The following SLC4A10 variants were observed in gnomAD, a reference collection of about 807,000 sequenced individuals.
SLC4A10 encodes sodium-driven chloride bicarbonate exchanger.
In SLC4A10, 42 loss-of-function variants were observed where a neutral mutation model predicts 137.7. The ratio of observed to expected loss-of-function variants is 0.30; its 90% CI spans 0.24 to 0.39. The LOEUF (loss-of-function observed/expected upper bound fraction) is 0.39. Ranked by LOEUF, SLC4A10 falls within the 10% of genes least tolerant of loss-of-function variation. SLC4A10 has a pLI of 1.00. For synonymous variants in SLC4A10, 474 were observed against 464.1 expected, an observed-to-expected ratio of 1.02 and a Z score of -0.27; for missense variants, 925 against 1,355.0, an observed-to-expected ratio of 0.68 and a Z score of 4.98.
chr2:161,772,142 G>C (rs965032096), intron 2 of SLC4A10, among the ~76,000 whole-genome samples: 1 of 151,742 alleles, frequency 6.6e-6, no homozygotes, highest in Non-Finnish European at 1.5e-5. Flanking sequence ...ATGCTTACTG[G>C]GGGGGCCTAT....
At chr2:161,975,623 A>C (rs993254481) in intron 24 of SLC4A10, among the ~76,000 whole-genome samples, 7 of 152,192 alleles carry the variant, frequency 4.6e-5, no homozygotes, top group Admixed American at 2.6e-4. Context: ...GGAACTGAAG[A>C]ACACATTTCC....
At chr2:161,976,076 T>C (rs143468835) in intron 24 of SLC4A10, among the ~76,000 whole-genome samples, 9 of 152,354 alleles carry the variant, frequency 5.9e-5, no homozygotes, top group Non-Finnish European at 8.8e-5. Context: ...CCATTCTCTG[T>C]AATTTGAAAT....
chr2:161,805,274 C>T (rs865801215), intron 3 of SLC4A10, among the ~76,000 whole-genome samples: 1 of 152,248 alleles, frequency 6.6e-6, no homozygotes, highest in South Asian at 2.1e-4. Context: ...CCTCCCACAA[C>T]ACATGGAAAA....
At position 161,879,225 on chromosome 2, in the gene SLC4A10, C is replaced by A. The variant is rs201945239; in HGVS notation, c.1043C>A (p.Ala348Glu). 1.2e-6 allele frequency: 2 copies of A among 1,613,222 alleles called. No homozygotes were observed. The highest frequency in any genetic ancestry group is 1.3e-5 in the African/African-American group (1 of 74,990). Residue 348 changes from alanine to glutamate, a missense_variant, in exon 9 of 27, where the codon GCG becomes GAG. By Grantham distance (107) the Ala-to-Glu change is moderately radical. Transcript: ENST00000446997. The part of the protein sequence containing the change: ...ELEFLDRTVV[A>E]FVRLSPAVLL... ...GAGTTCTTGGATCGAACAGTAGTTG[C>A]GTTTGTCAGGTTGTCTCCAGCTGTA...
In SLC4A10 at chr2:161,839,860, C is replaced by G. The variant is rs2059072923; in HGVS notation, c.349C>G (p.Leu117Val). ...TGACGAGGAACACATTCCTCATGAC[C>G]TTTTCACAGAACTGGATGAGATTTG... ...DDDEEHIPHD[L>V]FTELDEICWR... is the part of the protein sequence containing the mutation. The change falls in exon 4 of 27, where the codon CTT (leucine) becomes GTT (valine). Residue 117 changes from leucine (L) to valine (V), a missense_variant. Physicochemically the swap from Leu to Val is conservative, Grantham distance 32. Coordinates refer to ENST00000446997, the MANE Select transcript of SLC4A10 (RefSeq NM_001178015.2). The G allele has an allele frequency of 6.2e-7, 1 of 1,613,910 alleles. No individual in the cohort carries two copies. The highest frequency in any genetic ancestry group is 8.5e-7 in the Non-Finnish European group (1 of 1,179,852).
At chr2:161,738,751 G>A (rs541500554) in intron 1 of SLC4A10, among the ~76,000 whole-genome samples, 1 of 152,008 alleles carries the variant, frequency 6.6e-6, no homozygotes, top group East Asian at 1.9e-4. Context: ...CTCTTCATTT[G>A]TAGCCAAACT....
At chr2:161,794,681 C>A (rs939779649) in intron 2 of SLC4A10, among the ~76,000 whole-genome samples, 13 of 152,304 alleles carry the variant, frequency 8.5e-5, no homozygotes, top group African/African-American at 3.1e-4. Flanking sequence ...TCTATGTTCA[C>A]ACGAGGCATG....
intron 15 of SLC4A10, among the ~76,000 whole-genome samples, chr2:161,911,454 A>G (rs1158684455): frequency 6.6e-6 from 1 of 152,068 alleles, no homozygotes; most frequent in Non-Finnish European, 1.5e-5. Flanking sequence ...ACAAGATGAA[A>G]CAGAGTAATC....
At chr2:161,790,646 A>C (rs2054097549) in intron 2 of SLC4A10, among the ~76,000 whole-genome samples, 1 of 152,244 alleles carries the variant, frequency 6.6e-6, no homozygotes, top group Non-Finnish European at 1.5e-5. Flanking sequence ...CAGAAAATAC[A>C]GCCAATAGTA....
At chr2:161,781,709 G>A (rs1559236066) in intron 2 of SLC4A10, among the ~76,000 whole-genome samples, 1 of 152,024 alleles carries the variant, frequency 6.6e-6, no homozygotes, top group Non-Finnish European at 1.5e-5. Context: ...AAAGTGTGGA[G>A]TAGGAAACCT....
intron 10 of SLC4A10, among the ~76,000 whole-genome samples, chr2:161,886,444 T>C (rs2062293939): frequency 6.6e-6 from 1 of 152,170 alleles, no homozygotes; most frequent in Admixed American, 6.6e-5. Context: ...GAAGGAGTAG[T>C]CTCTACTAGA....
chr2:161,845,873 T>G (rs984744219), intron 4 of SLC4A10, among the ~76,000 whole-genome samples: 16 of 152,056 alleles, frequency 1.1e-4, no homozygotes, highest in Non-Finnish European at 2.2e-4. Context: ...AGCCATGAAA[T>G]TTTTAGAAGA....
intron 2 of SLC4A10, among the ~76,000 whole-genome samples, chr2:161,774,379 G>A (rs1222726675): frequency 6.6e-6 from 1 of 151,800 alleles, no homozygotes; most frequent in South Asian, 2.1e-4. Context: ...TACATCCCAT[G>A]CAATATTTTT....
chr2:161,659,203 C>T (rs527542851), intron 1 of SLC4A10, among the ~76,000 whole-genome samples: 109 of 152,186 alleles, frequency 7.2e-4, no homozygotes, highest in African/African-American at 2.0e-3. Flanking sequence ...TATATATACA[C>T]GATGGAATAC....
chr2:161,770,475 G>A (rs538460112), intron 1 of SLC4A10, among the ~76,000 whole-genome samples: 10 of 151,862 alleles, frequency 6.6e-5, no homozygotes, highest in African/African-American at 2.2e-4. Context: ...AATTAGAGTT[G>A]CCTTTTATCT....
chr2:161,936,867 A>C (rs2105705392), intron 15 of SLC4A10, among the ~76,000 whole-genome samples: 1 of 152,110 alleles, frequency 6.6e-6, no homozygotes, highest in Non-Finnish European at 1.5e-5. Context: ...TCCTCCTTTT[A>C]GTAACTCTGT....
intron 14 of SLC4A10, 74 bp downstream of exon 14, chr2:161,904,983 A>C (rs1684003440): frequency 1.4e-6 from 2 of 1,461,982 alleles, no homozygotes; most frequent in East Asian, 2.3e-5. Flanking sequence ...TCCCAACATC[A>C]CTTTTGGAGG....
At chr2:161,781,671 G>T (rs1364350192) in intron 2 of SLC4A10, among the ~76,000 whole-genome samples, 1 of 151,862 alleles carries the variant, frequency 6.6e-6, no homozygotes, top group Non-Finnish European at 1.5e-5. Flanking sequence ...GATGGTCAAT[G>T]AAAAAATGAC....
At chr2:161,810,616 C>T (rs985006888) in intron 3 of SLC4A10, among the ~76,000 whole-genome samples, 3 of 151,792 alleles carry the variant, frequency 2.0e-5, no homozygotes, top group South Asian at 2.1e-4. Context: ...CTGTATCTAT[C>T]GAGATAACCA....
Sources: gnomAD v4.1 joint callset for allele counts (sites outside exome capture counted in the v4.1 genomes callset) on GRCh38, gnomAD v4.1.1 for gene constraint, MANE v1.5 for transcripts, NCBI Gene and HGNC (gene_info 2026-07-23, HGNC 2026-07-21) for gene names.